The following TNR variants were observed in gnomAD, a reference collection of about 807,000 sequenced individuals.
The protein encoded by TNR is tenascin R.
In TNR, 45 loss-of-function variants were observed where a neutral mutation model predicts 150.4. The observed-to-expected ratio is 0.30, with a 90% CI of 0.24 to 0.38. TNR has a LOEUF of 0.38. TNR is among the 10% of genes least tolerant of loss of function. The pLI is 1.00. For synonymous variants in TNR, 687 were observed against 678.4 expected (o/e 1.01, Z -0.20); for missense variants, 1,544 against 1,759.1 (o/e 0.88, Z 2.19).
At chr1:175,722,650 A>T (rs925920413) in intron 1 of TNR, among the ~76,000 whole-genome samples, 1 of 151,886 alleles carries the variant, frequency 6.6e-6, no homozygotes, top group Non-Finnish European at 1.5e-5. Context: ...TTTTTTATAG[A>T]GACAGGGTTT....
chr1:175,467,536 A>T (rs531275583), intron 2 of TNR, among the ~76,000 whole-genome samples: 1 of 152,298 alleles, frequency 6.6e-6, no homozygotes, highest in South Asian at 2.1e-4. Context: ...TGTCAGCCCA[A>T]TGGGGAGATG....
In TNR at chr1:175,403,397, C is replaced by A; in HGVS notation, c.719G>T (p.Ser240Ile). Residue 240 changes from serine to isoleucine, a missense_variant, in exon 4 of 23, where the codon AGC becomes ATC. Transcript: ENST00000367674. ...CCCGTCCACGCAGAGCCCCCGGGAG[C>A]TGCAGTCTGTTGGGCACCGGAGTTC... The part of the protein sequence containing the change: ...CSELRCPTDC[S>I]SRGLCVDGEC... 6.2e-7 allele frequency: 1 copy of A among 1,614,214 alleles called. No homozygotes were observed. The highest frequency in any genetic ancestry group is 1.1e-5 in the South Asian group (1 of 91,076).
intron 1 of TNR, among the ~76,000 whole-genome samples, chr1:175,537,666 G>A (rs1437546850): frequency 6.6e-6 from 1 of 152,172 alleles, no homozygotes. Flanking sequence ...GACTTTCCAG[G>A]CATTTGATGA....
chr1:175,469,265 A>C (rs1657170687), intron 2 of TNR, among the ~76,000 whole-genome samples: 1 of 152,138 alleles, frequency 6.6e-6, no homozygotes, highest in African/African-American at 2.4e-5. Flanking sequence ...GCCTTGAAGA[A>C]GTTCAGTGTC....
chr1:175,427,371 A>G (rs1256302567), intron 2 of TNR, among the ~76,000 whole-genome samples: 1 of 152,196 alleles, frequency 6.6e-6, no homozygotes, highest in East Asian at 1.9e-4. Context: ...AAATTTTTAT[A>G]TAGCTAAATA....
intron 1 of TNR, among the ~76,000 whole-genome samples, chr1:175,706,353 C>T (rs1234944302): frequency 6.6e-6 from 1 of 152,152 alleles, no homozygotes; most frequent in Non-Finnish European, 1.5e-5. Flanking sequence ...AGCATCATTA[C>T]CCCCACTCCA....
chr1:175,737,098 T>G (rs1667793568), intron 1 of TNR, among the ~76,000 whole-genome samples: 1 of 152,196 alleles, frequency 6.6e-6, no homozygotes, highest in Non-Finnish European at 1.5e-5. Context: ...CAAACAGATT[T>G]GGTTGAAAAC....
chr1:175,702,392 C>T (rs1666722780), intron 1 of TNR, among the ~76,000 whole-genome samples: 1 of 152,174 alleles, frequency 6.6e-6, no homozygotes, highest in Non-Finnish European at 1.5e-5. Context: ...GAAAGAGAGT[C>T]CCAGAAACAT....
intron 2 of TNR, among the ~76,000 whole-genome samples, chr1:175,463,027 G>A (rs1656885667): frequency 1.3e-5 from 2 of 152,186 alleles, no homozygotes; most frequent in African/African-American, 2.4e-5. Context: ...TTTTATTAGA[G>A]GAAGAACAGG....
At chr1:175,489,001 G>A (rs1658130095) in intron 2 of TNR, among the ~76,000 whole-genome samples, 1 of 152,126 alleles carries the variant, frequency 6.6e-6, no homozygotes, top group South Asian at 2.1e-4. Flanking sequence ...TACCGCGGGT[G>A]GGTTGTGGTG....
At chr1:175,679,544 A>G (rs1346011587) in intron 1 of TNR, among the ~76,000 whole-genome samples, 1 of 152,224 alleles carries the variant, frequency 6.6e-6, no homozygotes, top group East Asian at 1.9e-4. Context: ...CTATCTGCCT[A>G]GCCACAAAGA....
intron 2 of TNR, among the ~76,000 whole-genome samples, chr1:175,523,685 C>T (rs1238685005): frequency 1.3e-5 from 2 of 152,186 alleles, no homozygotes; most frequent in African/African-American, 4.8e-5. Context: ...TGTATCACCT[C>T]TCATCTGGAC....
chr1:175,414,707 C>T (rs911194918), intron 2 of TNR, among the ~76,000 whole-genome samples: 1 of 152,134 alleles, frequency 6.6e-6, no homozygotes, highest in Non-Finnish European at 1.5e-5. Context: ...ACTTGGGTCA[C>T]CCAGGTTGGC....
chr1:175,441,239 TTCTG>T (rs1449558662), intron 2 of TNR, among the ~76,000 whole-genome samples: 2 of 152,172 alleles, frequency 1.3e-5, no homozygotes, highest in South Asian at 2.1e-4. Flanking sequence ...TGGTTTTCTT[TTCTG>T]TCTGTCTTGG....
At chr1:175,409,012 G>A (rs767102087) in intron 2 of TNR, among the ~76,000 whole-genome samples, 2 of 152,216 alleles carry the variant, frequency 1.3e-5, no homozygotes, top group Non-Finnish European at 2.9e-5. Context: ...AGAGTGACAT[G>A]TTGGAATCAA....
At chr1:175,491,850 T>C (rs988845661) in intron 2 of TNR, among the ~76,000 whole-genome samples, 34 of 151,878 alleles carry the variant, frequency 2.2e-4, no homozygotes, top group East Asian at 1.6e-3. Context: ...GGGGTTTCAC[T>C]GTGTTAGCCA....
At chr1:175,331,190 C>CTTCCTTCT (rs1649897775) in intron 20 of TNR, among the ~76,000 whole-genome samples, 1 of 59,260 alleles carries the variant, frequency 1.7e-5, no homozygotes, top group African/African-American at 4.2e-5. Context: ...TCCTTCCTTC[C>CTTCCTTCT]TTCCTTCCTT....
rs148077075 is a variant in TNR at position 175,425,385 on chromosome 1, A to G, written c.-63-18608T>C. On this transcript the variant is annotated intron_variant, in intron 2 of 22. Coordinates refer to ENST00000367674, the MANE Select transcript of TNR (RefSeq NM_003285.3). ...GGTGGTTTTAAGCACTTAATATATAATAGATATTAAGTATTTAACATAAGG... is the reference window on the plus strand; with the variant it reads ...GGTGGTTTTAAGCACTTAATATATAGTAGATATTAAGTATTTAACATAAGG... 4.3e-3 allele frequency among the ~76,000 whole-genome samples: 658 copies of G among 152,274 alleles called. 4 individuals carry two copies. Among genetic ancestry groups the G allele is most frequent in the African/African-American group, 0.015 (642 of 41,558 alleles).
intron 1 of TNR, among the ~76,000 whole-genome samples, chr1:175,724,880 G>C (rs1667436753): frequency 6.6e-6 from 1 of 152,096 alleles, no homozygotes; most frequent in African/African-American, 2.4e-5. Flanking sequence ...GCCTGGAGGG[G>C]AGAGGAAGAA....
Sources: gnomAD v4.1 joint callset for allele counts (sites outside exome capture counted in the v4.1 genomes callset) on GRCh38, gnomAD v4.1.1 for gene constraint, MANE v1.5 for transcripts, NCBI Gene and HGNC (gene_info 2026-07-23, HGNC 2026-07-21) for gene names.